ARHGAP6: variants seen among roughly 807,000 people sequenced by gnomAD.
ARHGAP6 encodes the protein Rho GTPase activating protein 6.
Under a neutral mutation model 55.7 loss-of-function variants are expected in ARHGAP6, and 16 were observed. That is an observed-to-expected ratio of 0.29 (90% CI 0.19 to 0.44). The LOEUF (loss-of-function observed/expected upper bound fraction) is 0.44. ARHGAP6 is among the 20% of genes least tolerant of loss of function. The pLI is 1.00. For synonymous variants in ARHGAP6, 382 were observed against 360.9 expected, an observed-to-expected ratio of 1.06 and a Z score of -0.66; for missense variants, 698 against 808.9, an observed-to-expected ratio of 0.86 and a Z score of 1.66.
chrX:11,221,375 T>A, intron 2 of ARHGAP6: 1 of 155,646 alleles, frequency 6.4e-6, no homozygotes, highest in Non-Finnish European at 1.4e-5. Flanking sequence ...CTAGAAGATA[T>A]TGCAGGTATG....
At chrX:11,649,991 C>CTTTTTTT in intron 1 of ARHGAP6, among the ~76,000 whole-genome samples, 1 of 88,112 alleles carries the variant, frequency 1.1e-5, no homozygotes, top group Non-Finnish European at 2.3e-5. Context: ...ACTTTCTTTT[C>CTTTTTTT]TTTTTTTTTT....
At chrX:11,512,401 T>A (rs1362692084) in intron 1 of ARHGAP6, among the ~76,000 whole-genome samples, 1 of 111,416 alleles carries the variant, frequency 9.0e-6, no homozygotes, top group East Asian at 2.8e-4. Context: ...TGTAGCAACC[T>A]CCTCCCAGAC....
intron 1 of ARHGAP6, chrX:11,265,918 A>G: frequency 1.0e-6 from 1 of 956,650 alleles, no homozygotes; most frequent in Non-Finnish European, 1.3e-6. Flanking sequence ...GACCAAAAAT[A>G]TGCAATCTTT....
At chrX:11,516,086 C>T (rs190917744) in intron 1 of ARHGAP6, among the ~76,000 whole-genome samples, 1 of 112,635 alleles carries the variant, frequency 8.9e-6, no homozygotes, top group South Asian at 3.6e-4. Flanking sequence ...ACTCTCTCTG[C>T]TACCATGTTT....
chrX:11,165,789 C>G (rs935764782), intron 9 of ARHGAP6, among the ~76,000 whole-genome samples: 2 of 110,728 alleles, frequency 1.8e-5, no homozygotes, highest in Non-Finnish European at 3.8e-5. Context: ...TACCAGAACT[C>G]TGTGGAGGTC....
intron 6 of ARHGAP6, 39 bp downstream of exon 6, chrX:11,182,024 G>A (rs1473251777): frequency 9.0e-7 from 1 of 1,111,566 alleles, no homozygotes; most frequent in South Asian, 1.9e-5. Flanking sequence ...TCAATTGAAA[G>A]TCATGTGAAA....
chrX:11,169,774 T>A, intron 8 of ARHGAP6, 90 bp from the exon 9 acceptor site: 2 of 190,451 alleles, frequency 1.1e-5, no homozygotes, highest in Non-Finnish European at 1.7e-5. Context: ...TTTACTCTCC[T>A]TTTTTTTTTT....
At chrX:11,210,210 A>G (rs2046772592) in intron 2 of ARHGAP6, among the ~76,000 whole-genome samples, 1 of 112,416 alleles carries the variant, frequency 8.9e-6, no homozygotes, top group African/African-American at 3.2e-5. Flanking sequence ...AGTCATCACC[A>G]CTTTTGTGAC....
At chrX:11,515,866 G>C (rs1269416253) in intron 1 of ARHGAP6, among the ~76,000 whole-genome samples, 1 of 112,714 alleles carries the variant, frequency 8.9e-6, no homozygotes, top group East Asian at 2.8e-4. Flanking sequence ...AAAACAAAAA[G>C]TGAAGACTAA....
chrX:11,505,591 C>T (rs1006793552), intron 1 of ARHGAP6, among the ~76,000 whole-genome samples: 11 of 111,190 alleles, frequency 9.9e-5, no homozygotes, highest in Non-Finnish European at 2.1e-4. Flanking sequence ...CATAAAGACC[C>T]ATGCACGTGA....
chrX:11,244,549 T>C (rs1011695564), intron 2 of ARHGAP6, among the ~76,000 whole-genome samples: 3 of 112,167 alleles, frequency 2.7e-5, no homozygotes, highest in East Asian at 5.6e-4. Flanking sequence ...GGCTGATTGG[T>C]TAAAAAATAC....
In ARHGAP6 at chrX:11,664,264, G is replaced by T; in HGVS notation, c.565C>A (p.Pro189Thr). 8.3e-7 allele frequency: 1 copy of T among 1,210,241 alleles called. No individual in the cohort carries two copies. The highest frequency in any genetic ancestry group is 1.1e-6 in the Non-Finnish European group (1 of 894,606). ...FQSPPDSRGH[P>T]YVVWKSEGDF... Reference sequence around the variant, plus strand: ...ACCTCGGATTTCCACACGACGTAGGGGTGCCCGCGACTGTCGGGTGGGGAC... The same window carrying T: ...ACCTCGGATTTCCACACGACGTAGGTGTGCCCGCGACTGTCGGGTGGGGAC... Residue 189 changes from proline to threonine, a missense_variant, in exon 1 of 13, where the codon CCC (proline) becomes ACC (threonine). Around this residue, in one of 3 missense-constraint regions of ARHGAP6, gnomAD observed 322 missense variants for 451.1 expected, o/e 0.71. Transcript: ENST00000337414.
At chrX:11,194,941 A>G (rs1301406985) in intron 3 of ARHGAP6, among the ~76,000 whole-genome samples, 5 of 112,306 alleles carry the variant, frequency 4.5e-5, no homozygotes, top group African/African-American at 9.7e-5. Flanking sequence ...ATTATATAAA[A>G]GGACTCCAAG....
At chrX:11,615,395 A>G (rs994364435) in intron 1 of ARHGAP6, among the ~76,000 whole-genome samples, 3 of 112,071 alleles carry the variant, frequency 2.7e-5, no homozygotes, top group African/African-American at 9.7e-5. Flanking sequence ...CCCAGGAACT[A>G]GCACTATTCC....
chrX:11,357,621 C>A (rs1465329678), intron 1 of ARHGAP6, among the ~76,000 whole-genome samples: 1 of 111,217 alleles, frequency 9.0e-6, no homozygotes, highest in African/African-American at 3.3e-5. Flanking sequence ...TTTCTTCCCC[C>A]AAAGCTGCAT....
intron 1 of ARHGAP6, among the ~76,000 whole-genome samples, chrX:11,638,329 C>A (rs1188851754): frequency 9.0e-6 from 1 of 111,727 alleles, no homozygotes; most frequent in Non-Finnish European, 1.9e-5. Context: ...AACTTGCCTG[C>A]CTTAAATTTT....
intron 1 of ARHGAP6, among the ~76,000 whole-genome samples, chrX:11,478,009 A>AT (rs935732732): frequency 9.8e-5 from 11 of 111,859 alleles, no homozygotes; most frequent in South Asian, 3.7e-4. Context: ...AATAAAAGTG[A>AT]TTTTTTTTAA....
intron 1 of ARHGAP6, among the ~76,000 whole-genome samples, chrX:11,574,624 G>C (rs1305372899): frequency 4.5e-5 from 5 of 110,534 alleles, no homozygotes; most frequent in Non-Finnish European, 9.5e-5. Flanking sequence ...ATATCATACT[G>C]AATGGGCAAA....
At chrX:11,247,293 T>C (rs998006585) in intron 2 of ARHGAP6, among the ~76,000 whole-genome samples, 2 of 112,392 alleles carry the variant, frequency 1.8e-5, no homozygotes, top group African/African-American at 3.2e-5. Context: ...AGAAATGAAC[T>C]GATACAAGAA....
Sources: gnomAD v4.1 joint callset for allele counts (sites outside exome capture counted in the v4.1 genomes callset) on GRCh38, gnomAD v4.1.1 for gene constraint, gnomAD v4.1.1 regional missense constraint, MANE v1.5 for transcripts, NCBI Gene and HGNC (gene_info 2026-07-23, HGNC 2026-07-21) for gene names.